The following COL5A1 variants were observed in gnomAD, a reference collection of about 807,000 sequenced individuals.
COL5A1 encodes collagen type V alpha 1 chain, also known as collagen alpha-1(V) chain.
A neutral mutation model predicts 263.7 loss-of-function variants in COL5A1; 16 were observed. The observed-to-expected ratio is 0.06, with a 90% CI of 0.04 to 0.09. The LOEUF is 0.09. COL5A1 is among the 10% of genes least tolerant of loss of function. The pLI, the probability that COL5A1 is intolerant of heterozygous loss-of-function variation, is 1.00. For synonymous variants in COL5A1, 1,012 were observed against 1,004.5 expected, an observed-to-expected ratio of 1.01 and a Z score of -0.14; for missense variants, 2,036 against 2,540.5, an observed-to-expected ratio of 0.80 and a Z score of 4.27.
chr9:134,673,443 T>C (rs1832598037), intron 1 of COL5A1, among the ~76,000 whole-genome samples: 1 of 141,680 alleles, frequency 7.1e-6, no homozygotes, highest in African/African-American at 2.7e-5. Flanking sequence ...CTGGGCAATA[T>C]GGCGAGACTC....
chr9:134,767,424 A>G, intron 24 of COL5A1, 70 bp downstream of exon 24: 2 of 1,441,164 alleles, frequency 1.4e-6, no homozygotes, highest in South Asian at 2.3e-5. Flanking sequence ...CCACCCTGGG[A>G]GGACCCCTGG....
Position 134,731,626 on chromosome 9 carries a change from C to T in COL5A1, c.1295C>T (p.Pro432Leu), listed in dbSNP as rs140943202. ...DPTSSPSEIGPGMPANQDTIY... is the reference protein window; with the variant it reads ...DPTSSPSEIGLGMPANQDTIY... Reference sequence around the variant, plus strand: ...ACCAGCTCCCCGTCGGAGATCGGGCCGGGAATGCCGGCGAACCAGGATACC... The same window carrying T: ...ACCAGCTCCCCGTCGGAGATCGGGCTGGGAATGCCGGCGAACCAGGATACC... Residue 432 changes from proline to leucine, a missense_variant, in exon 8 of 66, where the codon CCG becomes CTG. Pro to Leu is a moderately conservative substitution (Grantham distance 98, BLOSUM62 -3). Around this residue, in one of 3 missense-constraint regions of COL5A1, gnomAD observed 600 missense variants for 634.5 expected, o/e 0.95. Coordinates refer to ENST00000371817, the MANE Select transcript of COL5A1 (RefSeq NM_000093.5). The T allele has an allele frequency of 5.9e-5, 95 of 1,613,928 alleles. No individual in the cohort carries two copies. Among genetic ancestry groups the T allele is most frequent in the African/African-American group, 3.2e-4 (24 of 74,930 alleles).
At chr9:134,735,601 C>T (rs1279720087) in intron 9 of COL5A1, among the ~76,000 whole-genome samples, 1 of 152,198 alleles carries the variant, frequency 6.6e-6, no homozygotes, top group East Asian at 1.9e-4. Context: ...GTGTTGGCTT[C>T]CCTGCAAGGT....
chr9:134,760,938 CAT>C (rs1399197454), intron 18 of COL5A1, among the ~76,000 whole-genome samples: 1 of 150,646 alleles, frequency 6.6e-6, no homozygotes, highest in African/African-American at 2.5e-5. Context: ...CATGCACACA[CAT>C]GCATACACAC....
At chr9:134,830,516 AGC>A (rs1363637057) in intron 64 of COL5A1, among the ~76,000 whole-genome samples, 5 of 152,172 alleles carry the variant, frequency 3.3e-5, no homozygotes, top group Admixed American at 3.3e-4. Flanking sequence ...CAGAAGCAGG[AGC>A]GCTTTCACTG....
intron 28 of COL5A1, 76 bp downstream of exon 28, chr9:134,780,222 A>C: frequency 7.1e-7 from 1 of 1,405,116 alleles, no homozygotes; most frequent in Non-Finnish European, 1.0e-6. Context: ...CCCTCCCACA[A>C]TGCTTCTTCC....
intron 37 of COL5A1, 105 bp downstream of exon 37, chr9:134,798,566 G>A: frequency 4.8e-6 from 4 of 828,046 alleles, no homozygotes; most frequent in Non-Finnish European, 7.6e-6. Context: ...CTCCTGGCCT[G>A]GGAGAGACAG....
chr9:134,812,366 T>G, intron 46 of COL5A1, 83 bp from the exon 47 acceptor site: 3 of 1,407,618 alleles, frequency 2.1e-6, no homozygotes, highest in Non-Finnish European at 2.0e-6. Flanking sequence ...TGGTGCTGTG[T>G]GGGTGGAGGT....
At chr9:134,712,645 C>T (rs1834107192) in intron 4 of COL5A1, among the ~76,000 whole-genome samples, 1 of 106,664 alleles carries the variant, frequency 9.4e-6, no homozygotes, top group Admixed American at 1.1e-4. Flanking sequence ...CCCCTCCTTC[C>T]TGTTCCCCCT....
rs141353059 is a variant in COL5A1 at position 134,827,859 on chromosome 9, G to A, written c.5067+1955G>A. Among the ~76,000 whole-genome samples the A allele has an allele frequency of 2.6e-3, 403 of 152,362 alleles. 2 individuals carry two copies. The highest frequency in any genetic ancestry group is 9.4e-3 in the African/African-American group (391 of 41,592). ...TCTTCCAGGAAGAAGCTGCCTTCAC[G>A]CCGCCTGGGCTTGGCATTGACAGTG... On this transcript the variant is annotated intron_variant, in intron 63 of 65. Transcript: ENST00000371817.
At chr9:134,689,869 C>T (rs1833212888) in intron 1 of COL5A1, among the ~76,000 whole-genome samples, 1 of 152,186 alleles carries the variant, frequency 6.6e-6, no homozygotes, top group South Asian at 2.1e-4. Flanking sequence ...ATGCCAACTT[C>T]GAGTTTATTT....
intron 54 of COL5A1, 21 bp downstream of exon 54, chr9:134,817,852 GC>G: frequency 6.3e-7 from 1 of 1,586,702 alleles, no homozygotes; most frequent in Non-Finnish European, 8.6e-7. Flanking sequence ...TTGGAGCCAG[GC>G]TGTGACCGCG....
chr9:134,662,976 ATTTACTAAAAATACTGCC>A (rs1332556451), intron 1 of COL5A1, among the ~76,000 whole-genome samples: 1 of 152,180 alleles, frequency 6.6e-6, no homozygotes, highest in Non-Finnish European at 1.5e-5. Context: ...ATGTTTGGAA[ATTTACTAAAAATACTGCC>A]TTTGCATTCA....
chr9:134,668,101 T>A (rs753981566), intron 1 of COL5A1, among the ~76,000 whole-genome samples: 59 of 152,154 alleles, frequency 3.9e-4, no homozygotes, highest in Non-Finnish European at 5.7e-4. Flanking sequence ...TGAAGTGTGG[T>A]CCCTGCTCTC....
chr9:134,690,462 T>G (rs1833239341), intron 1 of COL5A1, among the ~76,000 whole-genome samples: 1 of 152,224 alleles, frequency 6.6e-6, no homozygotes, highest in South Asian at 2.1e-4. Context: ...AGCTCCGCAG[T>G]GGGCCTTCTG....
At chr9:134,836,522 C>T (rs528088232) in intron 65 of COL5A1, among the ~76,000 whole-genome samples, 6 of 152,310 alleles carry the variant, frequency 3.9e-5, no homozygotes, top group East Asian at 1.9e-4. Context: ...ACGGGGCCGG[C>T]GTTAGGGCCG....
chr9:134,841,789 G>T lies in COL5A1; in HGVS notation c.5371-368G>T, dbSNP rs540252074. Among the ~76,000 whole-genome samples the T allele has an allele frequency of 1.1e-4, 17 of 152,274 alleles. No homozygotes were observed. The highest frequency in any genetic ancestry group is 3.4e-3 in the Middle Eastern group (1 of 294). Reference sequence around the variant, plus strand: ...GCTGGCCCTGGGTCCTGGGGAGGCTGCCTGGAAGTGAATACCTGGGGCATC... The same window carrying T: ...GCTGGCCCTGGGTCCTGGGGAGGCTTCCTGGAAGTGAATACCTGGGGCATC... On this transcript the variant is annotated intron_variant, in intron 65 of 65. Coordinates refer to ENST00000371817, the MANE Select transcript of COL5A1 (RefSeq NM_000093.5). This position sits in a 1 kb window ranked among gnomAD's most constrained non-coding sequence, Gnocchi z 4.8.
chr9:134,817,726 C>A, intron 53 of COL5A1, 52 bp from the exon 54 acceptor site: 1 of 1,574,126 alleles, frequency 6.4e-7, no homozygotes, highest in Non-Finnish European at 8.7e-7. Context: ...GAGCTCGTCC[C>A]TCCACCCCTG....
rs1220349687 is a variant in COL5A1, at chr9:134,755,425, G to A, written c.1827+1099G>A. Among the ~76,000 whole-genome samples the A allele has an allele frequency of 6.6e-6, 1 of 152,190 alleles. No homozygotes were observed. Among genetic ancestry groups the A allele is most frequent in the Non-Finnish European group, 1.5e-5 (1 of 68,038 alleles). Reference sequence around the variant, plus strand: ...CAGAGTTGCATGGTGTCGGGGCCATGCATATGCGTGTGTTTTAAGGCATTA... The same window carrying A: ...CAGAGTTGCATGGTGTCGGGGCCATACATATGCGTGTGTTTTAAGGCATTA... On this transcript the variant is annotated intron_variant, in intron 16 of 65. Coordinates refer to ENST00000371817, the MANE Select transcript of COL5A1 (RefSeq NM_000093.5). The surrounding 1 kb of genome is among the most constrained non-coding windows in gnomAD (Gnocchi z 4.1).
Sources: gnomAD v4.1 joint callset for allele counts (sites outside exome capture counted in the v4.1 genomes callset) on GRCh38, gnomAD v4.1.1 for gene constraint, gnomAD v4.1.1 regional missense constraint, Gnocchi (gnomAD v3.1) non-coding constraint, MANE v1.5 for transcripts, NCBI Gene and HGNC (gene_info 2026-07-23, HGNC 2026-07-21) for gene names.